Variants in LRRC4C observed in about 807,000 individuals in gnomAD.
LRRC4C encodes the protein leucine-rich repeat-containing protein 4C.
Under a neutral mutation model 33.6 loss-of-function variants are expected in LRRC4C, and 5 were observed. The ratio of observed to expected loss-of-function variants is 0.15; its 90% confidence interval spans 0.08 to 0.31. The LOEUF (loss-of-function observed/expected upper bound fraction) is 0.31. Ranked by LOEUF, LRRC4C falls within the 10% of genes least tolerant of loss-of-function variation. The pLI, the probability that LRRC4C is intolerant of heterozygous loss-of-function variation, is 1.00. For missense variants in LRRC4C, 560 were observed against 796.7 expected, an observed-to-expected ratio of 0.70 and a Z score of 3.58; for synonymous variants, 329 against 302.0, an observed-to-expected ratio of 1.09 and a Z score of -0.93.
chr11:40,669,853 T>A (rs1943998623), intron 2 of LRRC4C, among the ~76,000 whole-genome samples: 1 of 152,210 alleles, frequency 6.6e-6, no homozygotes, highest in Non-Finnish European at 1.5e-5. Context: ...GAATTTAACA[T>A]CTCTCCTCAT....
chr11:41,355,055 C>G, intron 1 of LRRC4C, among the ~76,000 whole-genome samples: 1 of 152,074 alleles, frequency 6.6e-6, no homozygotes, highest in East Asian at 1.9e-4. Context: ...AGCAAACAGA[C>G]AACCTACAGA....
chr11:40,693,661 A>G (rs187589586), intron 2 of LRRC4C, among the ~76,000 whole-genome samples: 1 of 152,212 alleles, frequency 6.6e-6, no homozygotes, highest in African/African-American at 2.4e-5. Flanking sequence ...GTCAAGAGAG[A>G]TTATTGAAAA....
At chr11:41,226,741 TACACACAC>T (rs59285418) in intron 1 of LRRC4C, among the ~76,000 whole-genome samples, 44 of 137,154 alleles carry the variant, frequency 3.2e-4, no homozygotes, top group Middle Eastern at 3.8e-3. Flanking sequence ...TCCTTACCAT[TACACACAC>T]ACACACACAC....
chr11:40,890,849 G>GAA (rs146219409), intron 2 of LRRC4C, among the ~76,000 whole-genome samples: 5 of 150,900 alleles, frequency 3.3e-5, no homozygotes, highest in African/African-American at 1.2e-4. Context: ...CAACAAGGCT[G>GAA]AAAAAAAAAT....
intron 1 of LRRC4C, among the ~76,000 whole-genome samples, chr11:41,212,751 T>C (rs1218420255): frequency 6.6e-6 from 1 of 152,202 alleles, no homozygotes; most frequent in East Asian, 1.9e-4. Context: ...GGACATGATA[T>C]TGAGCTCCAT....
intron 3 of LRRC4C, among the ~76,000 whole-genome samples, chr11:40,556,803 A>C (rs2135479980): frequency 6.6e-6 from 1 of 152,344 alleles, no homozygotes; most frequent in Admixed American, 6.5e-5. Context: ...ATTAAAAATC[A>C]AAAGTTCTAT....
intron 1 of LRRC4C, among the ~76,000 whole-genome samples, chr11:41,119,776 C>G (rs1403217622): frequency 1.3e-5 from 2 of 152,192 alleles, no homozygotes; most frequent in East Asian, 3.9e-4. Flanking sequence ...CCTGGTTTCA[C>G]TTAGGCTAGA....
At chr11:41,438,703 C>G (rs764300894) in intron 1 of LRRC4C, among the ~76,000 whole-genome samples, 4 of 152,118 alleles carry the variant, frequency 2.6e-5, no homozygotes, top group Non-Finnish European at 5.9e-5. Context: ...TCCACGTCAG[C>G]TTTTCCAATC....
intron 4 of LRRC4C, among the ~76,000 whole-genome samples, chr11:40,278,006 A>C (rs1379045186): frequency 6.6e-6 from 1 of 152,156 alleles, no homozygotes; most frequent in Non-Finnish European, 1.5e-5. Flanking sequence ...TCCAACAGTT[A>C]TTTGTTCTCC....
intron 3 of LRRC4C, among the ~76,000 whole-genome samples, chr11:40,357,961 G>A (rs1947749397): frequency 6.6e-6 from 1 of 152,102 alleles, no homozygotes; most frequent in Non-Finnish European, 1.5e-5. Flanking sequence ...GAGGCAGGTG[G>A]ATCATGAGGT....
At chr11:40,634,573 T>C (rs1394352376) in intron 3 of LRRC4C, among the ~76,000 whole-genome samples, 9 of 152,106 alleles carry the variant, frequency 5.9e-5, no homozygotes, top group Admixed American at 2.6e-4. Flanking sequence ...TAATTTACTT[T>C]AAAAATAAAT....
At chr11:40,706,974 T>C (rs1258861397) in intron 2 of LRRC4C, among the ~76,000 whole-genome samples, 2 of 152,338 alleles carry the variant, frequency 1.3e-5, no homozygotes, top group East Asian at 1.9e-4. Flanking sequence ...TTTGTAGCAA[T>C]TGTGAATGGG....
intron 2 of LRRC4C, among the ~76,000 whole-genome samples, chr11:40,773,478 T>C (rs201039127): frequency 2.5e-5 from 3 of 120,944 alleles, no homozygotes; most frequent in Non-Finnish European, 5.3e-5. Context: ...CCCAGAAACA[T>C]ATACACCTAC....
chr11:40,256,304 G>T (rs1190667974), intron 4 of LRRC4C, among the ~76,000 whole-genome samples: 1 of 152,160 alleles, frequency 6.6e-6, no homozygotes, highest in Non-Finnish European at 1.5e-5. Flanking sequence ...ACATTGAACA[G>T]GTACCTCATC....
At chr11:40,299,784 A>C (rs1944682591) in intron 4 of LRRC4C, among the ~76,000 whole-genome samples, 2 of 152,224 alleles carry the variant, frequency 1.3e-5, no homozygotes, top group Non-Finnish European at 2.9e-5. Context: ...GATAGTAGCT[A>C]TGCTAATTAC....
chr11:40,479,618 G>T (rs184230127), intron 3 of LRRC4C, among the ~76,000 whole-genome samples: 2 of 152,130 alleles, frequency 1.3e-5, no homozygotes, highest in African/African-American at 2.4e-5. Flanking sequence ...GAGGGAGGCG[G>T]CTGCTTTAAA....
At chr11:40,419,454 G>A (rs1485619453) in intron 3 of LRRC4C, among the ~76,000 whole-genome samples, 1 of 152,048 alleles carries the variant, frequency 6.6e-6, no homozygotes, top group East Asian at 1.9e-4. Context: ...TATTACAGAA[G>A]TCACATTGGA....
At chr11:40,773,595 A>T (rs1205665375) in intron 2 of LRRC4C, among the ~76,000 whole-genome samples, 1 of 152,138 alleles carries the variant, frequency 6.6e-6, no homozygotes, top group Non-Finnish European at 1.5e-5. Flanking sequence ...ATAAATATGC[A>T]AAACCTATAT....
chr11:40,632,279 A>C (rs1443934512), intron 3 of LRRC4C, among the ~76,000 whole-genome samples: 1 of 152,214 alleles, frequency 6.6e-6, no homozygotes, highest in Non-Finnish European at 1.5e-5. Context: ...TTGGGACTGG[A>C]GACATATCCT....
Sources: gnomAD v4.1 joint callset for allele counts (sites outside exome capture counted in the v4.1 genomes callset) on GRCh38, gnomAD v4.1.1 for gene constraint, MANE v1.5 for transcripts, NCBI Gene and HGNC (gene_info 2026-07-23, HGNC 2026-07-21) for gene names.